The following TTC23 variants were observed in gnomAD, a reference collection of about 807,000 sequenced individuals.
The protein encoded by TTC23 is tetratricopeptide repeat domain 23.
A neutral mutation model predicts 55.1 loss-of-function variants in TTC23; 58 were observed. That is an observed-to-expected ratio of 1.05 (90% CI 0.85 to 1.31). The LOEUF (loss-of-function observed/expected upper bound fraction) is 1.31. TTC23 is among the 50% of genes most tolerant of loss of function. The pLI is 0.00. For missense variants in TTC23, 516 were observed against 534.4 expected (o/e 0.97, Z 0.34); for synonymous variants, 203 against 199.9 (o/e 1.02, Z -0.13).
chr15:99,173,369 T>C (rs1012513315), intron 10 of TTC23, among the ~76,000 whole-genome samples: 24 of 152,106 alleles, frequency 1.6e-4, no homozygotes, highest in Non-Finnish European at 7.4e-5. Flanking sequence ...GATGGGAGGG[T>C]AGCCTAGGGC....
chr15:99,175,644 C>T (rs769694238), intron 9 of TTC23, among the ~76,000 whole-genome samples: 2 of 152,236 alleles, frequency 1.3e-5, no homozygotes, highest in East Asian at 3.8e-4. Context: ...TACAAACTTG[C>T]TCAGGGGAGC....
At chr15:99,159,986 G>A (rs1000595895) in intron 11 of TTC23, 2 of 152,480 alleles carry the variant, frequency 1.3e-5, no homozygotes, top group African/African-American at 4.8e-5. Flanking sequence ...TGGGGCATGA[G>A]GGGGCAAACC....
intron 5 of TTC23, among the ~76,000 whole-genome samples, chr15:99,222,764 G>A (rs2152055722): frequency 6.6e-6 from 1 of 152,218 alleles, no homozygotes. Context: ...TTGGGAGGCG[G>A]AGATGGGTGA....
At chr15:99,178,832 A>G (rs1268574544) in intron 9 of TTC23, among the ~76,000 whole-genome samples, 3 of 152,196 alleles carry the variant, frequency 2.0e-5, no homozygotes, top group African/African-American at 7.2e-5. Flanking sequence ...GGCATGGAGG[A>G]AACCCAAGAT....
chr15:99,152,360 G>A (rs1555497376), intron 12 of TTC23, among the ~76,000 whole-genome samples: 3 of 140,028 alleles, frequency 2.1e-5, no homozygotes, highest in African/African-American at 9.1e-5. Flanking sequence ...TCCATCTCAA[G>A]TATTTCTTTT....
intron 3 of TTC23, among the ~76,000 whole-genome samples, chr15:99,239,009 T>C (rs2079548275): frequency 6.6e-6 from 1 of 152,242 alleles, no homozygotes; most frequent in South Asian, 2.1e-4. Context: ...GATTTCAGGC[T>C]AAGAAGGCAT....
chr15:99,213,399 AGGC>A (rs2077198917), intron 8 of TTC23, among the ~76,000 whole-genome samples: 2 of 152,230 alleles, frequency 1.3e-5, no homozygotes, highest in Non-Finnish European at 2.9e-5. Context: ...TCTGCTGGCA[AGGC>A]TTGGTGTTGC....
intron 3 of TTC23, among the ~76,000 whole-genome samples, chr15:99,235,349 T>C (rs71399865): frequency 0.094 from 12,911 of 137,508 alleles, 804 homozygotes; most frequent in East Asian, 0.32. Context: ...CATGTGGACA[T>C]TTTAAGCATT....
At chr15:99,201,507 T>C (rs1436378390) in intron 8 of TTC23, among the ~76,000 whole-genome samples, 20 of 152,146 alleles carry the variant, frequency 1.3e-4, no homozygotes, top group Admixed American at 1.3e-3. Flanking sequence ...AACCACTGGG[T>C]ATTTTTCACA....
intron 9 of TTC23, among the ~76,000 whole-genome samples, chr15:99,181,374 A>T (rs1403366584): frequency 2.6e-5 from 4 of 152,208 alleles, no homozygotes; most frequent in Non-Finnish European, 4.4e-5. Flanking sequence ...CTAGCTTCTA[A>T]ACACTTTAGA....
chr15:99,213,389 T>C (rs1316131438), intron 8 of TTC23, among the ~76,000 whole-genome samples: 1 of 152,232 alleles, frequency 6.6e-6, no homozygotes, highest in African/African-American at 2.4e-5. Flanking sequence ...GGGCCCGCCA[T>C]CTGCTGGCAA....
intron 3 of TTC23, among the ~76,000 whole-genome samples, chr15:99,239,926 G>A (rs564617388): frequency 5.4e-4 from 82 of 152,308 alleles, no homozygotes; most frequent in African/African-American, 1.9e-3. Flanking sequence ...TAAAGACGAT[G>A]AAATGAACCT....
intron 8 of TTC23, among the ~76,000 whole-genome samples, chr15:99,215,709 T>G (rs754255146): frequency 4.0e-5 from 6 of 151,830 alleles, no homozygotes; most frequent in Non-Finnish European, 8.8e-5. Flanking sequence ...ACCCCACCAC[T>G]GTACTCCAGT....
At chr15:99,224,226 A>C (rs141370316) in intron 5 of TTC23, among the ~76,000 whole-genome samples, 1,689 of 152,366 alleles carry the variant, frequency 0.011, 25 homozygotes, top group African/African-American at 0.038. Context: ...AACGTTTCTT[A>C]CTACAAAAAT....
intron 9 of TTC23, among the ~76,000 whole-genome samples, chr15:99,182,059 A>C (rs968202551): frequency 5.3e-4 from 80 of 152,172 alleles, no homozygotes; most frequent in African/African-American, 1.9e-3. Context: ...TAGATTTTTA[A>C]ATGATAAGAG....
At chr15:99,222,640 T>A (rs1258516065) in intron 5 of TTC23, among the ~76,000 whole-genome samples, 2 of 152,176 alleles carry the variant, frequency 1.3e-5, no homozygotes, top group East Asian at 1.9e-4. Context: ...AACAGAAAAC[T>A]GGATTCCCAG....
intron 8 of TTC23, among the ~76,000 whole-genome samples, chr15:99,206,845 T>C (rs1596665558): frequency 6.6e-6 from 1 of 152,152 alleles, no homozygotes; most frequent in Admixed American, 6.5e-5. Context: ...TATCCGAATT[T>C]GAGGTTTAGT....
At chr15:99,222,149 GAGC>G (rs990259739) in intron 5 of TTC23, among the ~76,000 whole-genome samples, 5 of 152,186 alleles carry the variant, frequency 3.3e-5, no homozygotes, top group African/African-American at 1.2e-4. Context: ...AGAAAAAGTA[GAGC>G]AGACATCTAG....
chr15:99,240,903 A>G (rs914522308), intron 3 of TTC23, among the ~76,000 whole-genome samples: 5 of 152,218 alleles, frequency 3.3e-5, no homozygotes, highest in African/African-American at 1.2e-4. Flanking sequence ...TCTCTGAATC[A>G]ATGAAAGGAG....
Sources: gnomAD v4.1 joint callset for allele counts (sites outside exome capture counted in the v4.1 genomes callset) on GRCh38, gnomAD v4.1.1 for gene constraint, MANE v1.5 for transcripts, NCBI Gene and HGNC (gene_info 2026-07-23, HGNC 2026-07-21) for gene names.